The following GPT2 variants were observed in gnomAD, a reference collection of about 807,000 sequenced individuals.
The protein encoded by GPT2 is alanine aminotransferase 2.
Under a neutral mutation model 56.9 loss-of-function variants are expected in GPT2, and 30 were observed. The observed-to-expected ratio is 0.53, with a 90% CI of 0.39 to 0.72. The LOEUF (loss-of-function observed/expected upper bound fraction) is 0.72, where lower values mean the gene tolerates loss of function less well. Ranked by LOEUF, GPT2 falls within the 30% of genes least tolerant of loss-of-function variation. GPT2 has a pLI of 0.00. For synonymous variants in GPT2, 271 were observed against 283.1 expected, an observed-to-expected ratio of 0.96 and a Z score of 0.43; for missense variants, 542 against 703.4, an observed-to-expected ratio of 0.77 and a Z score of 2.60.
intron 8 of GPT2, among the ~76,000 whole-genome samples, chr16:46,921,636 G>A (rs1341932474): frequency 6.6e-6 from 1 of 152,174 alleles, no homozygotes; most frequent in South Asian, 2.1e-4. Flanking sequence ...GGAGATGTAT[G>A]TTGCTGATTT....
At chr16:46,906,690 G>A in intron 4 of GPT2, 152 bp from the exon 5 acceptor site, 1 of 1,002,084 alleles carries the variant, frequency 1.0e-6, no homozygotes, top group Non-Finnish European at 1.5e-6. Flanking sequence ...TGGTTAAGCA[G>A]TTTCCCACAG....
At chr16:46,886,989 C>T (rs548943279) in intron 2 of GPT2, among the ~76,000 whole-genome samples, 14 of 152,298 alleles carry the variant, frequency 9.2e-5, no homozygotes, top group African/African-American at 3.1e-4. Flanking sequence ...CTGGCCAGAC[C>T]AGCTTAGATA....
chr16:46,920,310 G>A (rs1461123165), intron 8 of GPT2, among the ~76,000 whole-genome samples: 1 of 152,232 alleles, frequency 6.6e-6, no homozygotes, highest in East Asian at 1.9e-4. Flanking sequence ...CCAGCTTGGC[G>A]TCCAGGTGGA....
intron 8 of GPT2, among the ~76,000 whole-genome samples, chr16:46,919,807 A>T (rs561102159): frequency 6.6e-6 from 1 of 152,252 alleles, no homozygotes; most frequent in Non-Finnish European, 1.5e-5. Context: ...CTCCCAGGTG[A>T]GATATCGTGC....
In GPT2 at chr16:46,922,386, A is replaced by G. The variant is rs777523350; in HGVS notation, c.1182A>G (p.Ala394=). Residue 394 remains alanine, a synonymous_variant, in exon 9 of 12, where the codon GCA becomes GCG. Transcript: ENST00000340124. ...ACATTGTCGTGAACCCCCCGGTGGC[A>G]GGAGAGGAGTCCTTTGAGCAATTCA... ...AMDIVVNPPV[A]GEESFEQFSR... 1.2e-6 allele frequency: 2 copies of G among 1,613,236 alleles called. No individual in the cohort carries two copies. Among genetic ancestry groups the G allele is most frequent in the Non-Finnish European group, 1.7e-6 (2 of 1,179,806 alleles).
intron 8 of GPT2, 51 bp downstream of exon 8, chr16:46,918,808 C>A: frequency 6.2e-7 from 1 of 1,602,316 alleles, no homozygotes; most frequent in Non-Finnish European, 8.5e-7. Flanking sequence ...CAGATCCTCA[C>A]GCTGCCGGCT....
chr16:46,901,981 G>A (rs1960828468), intron 4 of GPT2, among the ~76,000 whole-genome samples: 1 of 152,226 alleles, frequency 6.6e-6, no homozygotes, highest in Non-Finnish European at 1.5e-5. Context: ...TGGCCCCAAG[G>A]GCAAAGGTGT....
intron 2 of GPT2, among the ~76,000 whole-genome samples, chr16:46,888,642 C>T (rs1415433592): frequency 3.3e-5 from 5 of 152,210 alleles, no homozygotes; most frequent in Middle Eastern, 3.4e-3. Context: ...CCACCGCACC[C>T]GGCCAGATGC....
intron 2 of GPT2, among the ~76,000 whole-genome samples, chr16:46,886,625 G>A (rs1960489792): frequency 6.6e-6 from 1 of 152,210 alleles, no homozygotes; most frequent in South Asian, 2.1e-4. Context: ...TTTGGGGAAG[G>A]GGGCTGGTGC....
At chr16:46,903,064 C>T (rs540202828) in intron 4 of GPT2, among the ~76,000 whole-genome samples, 5 of 152,134 alleles carry the variant, frequency 3.3e-5, no homozygotes, top group African/African-American at 1.2e-4. Context: ...GCCTGGCCAA[C>T]TTGGCGAAAC....
intron 2 of GPT2, among the ~76,000 whole-genome samples, chr16:46,896,529 G>T (rs1337696551): frequency 6.6e-6 from 1 of 152,062 alleles, no homozygotes; most frequent in African/African-American, 2.4e-5. Flanking sequence ...TGACCCTGAG[G>T]ATTCCCTGCT....
chr16:46,911,312 C>T (rs991817647), intron 6 of GPT2, among the ~76,000 whole-genome samples: 3 of 152,142 alleles, frequency 2.0e-5, no homozygotes, highest in Admixed American at 6.6e-5. Context: ...CCTCTCTCCT[C>T]CTTTGTTGAG....
At chr16:46,888,803 C>T (rs1960532058) in intron 2 of GPT2, among the ~76,000 whole-genome samples, 1 of 151,884 alleles carries the variant, frequency 6.6e-6, no homozygotes, top group South Asian at 2.1e-4. Context: ...GTGTGCACCA[C>T]CATGCCCGGC....
intron 6 of GPT2, 115 bp downstream of exon 6, chr16:46,910,042 C>T: frequency 7.3e-7 from 1 of 1,364,586 alleles, no homozygotes; most frequent in South Asian, 1.5e-5. Context: ...GTTTCCCTTC[C>T]AGATTTGCTA....
chr16:46,891,461 T>C (rs891552763), intron 2 of GPT2, among the ~76,000 whole-genome samples: 45 of 151,994 alleles, frequency 3.0e-4, no homozygotes, highest in Admixed American at 3.0e-3. Context: ...TTGAGTGTAG[T>C]GGCGCAATCT....
At chr16:46,885,409 G>A in intron 2 of GPT2, 6 of 769,170 alleles carry the variant, frequency 7.8e-6, no homozygotes, top group Non-Finnish European at 9.5e-6. Context: ...GGTGGGGGGG[G>A]CTCTGCGGAA....
At chr16:46,886,950 TGTGA>T (rs1960495190) in intron 2 of GPT2, among the ~76,000 whole-genome samples, 1 of 152,190 alleles carries the variant, frequency 6.6e-6, no homozygotes. Flanking sequence ...CTCTTCTCAC[TGTGA>T]GTCTCAGTTC....
At position 46,907,127 on chromosome 16, in the gene GPT2, T is replaced by C. The variant is rs566910598; in HGVS notation, c.576+152T>C. 1,180 of 966,198 alleles carry C rather than the reference T, an allele frequency of 1.2e-3. 13 individuals carry two copies. The South Asian group carries it at 0.017, about 14-fold the overall frequency. 59.9% of individuals were successfully genotyped at this position (966,198 alleles called of 1,614,324 possible). On this transcript the variant is annotated intron_variant, in intron 5 of 11. Transcript: ENST00000340124. ...CCCCAGCCCTGGCAGCCTGCAGTCT[T>C]TGCCTCTTTTAGTCTTCATGAGCCT...
intron 5 of GPT2, among the ~76,000 whole-genome samples, chr16:46,907,810 G>A (rs1003134853): frequency 1.3e-5 from 2 of 152,250 alleles, no homozygotes; most frequent in African/African-American, 4.8e-5. Flanking sequence ...AATTTTGGCT[G>A]GGAGGGGCAC....
Sources: allele counts gnomAD v4.1 joint callset (sites outside exome capture counted in the v4.1 genomes callset), GRCh38; gene constraint gnomAD v4.1.1; transcripts MANE v1.5; gene names NCBI Gene and HGNC (gene_info 2026-07-23, HGNC 2026-07-21).